Variants in RAB37 observed in about 807,000 individuals in gnomAD.
RAB37 encodes RAB37, member RAS oncogene family.
In RAB37, 29 loss-of-function variants were observed where a neutral mutation model predicts 33.1. The observed-to-expected ratio is 0.88, with a 90% CI of 0.65 to 1.20. The LOEUF (loss-of-function observed/expected upper bound fraction) is 1.20. Ranked by LOEUF, RAB37 falls within the 50% of genes most tolerant of loss-of-function variation. The probability of loss-of-function intolerance (pLI) is 0.00; values close to 1 mark genes in which losing one functional copy is unlikely to be tolerated. For missense variants in RAB37, 299 were observed against 301.1 expected (o/e 0.99, Z 0.05); for synonymous variants, 128 against 119.5 (o/e 1.07, Z -0.47).
At chr17:74,697,824 A>G (rs1644328586) in intron 1 of RAB37, among the ~76,000 whole-genome samples, 1 of 152,108 alleles carries the variant, frequency 6.6e-6, no homozygotes, top group Non-Finnish European at 1.5e-5. Flanking sequence ...GGCCATTCCA[A>G]TTTCCTGATC....
intron 1 of RAB37, chr17:74,704,643 G>A: frequency 1.2e-6 from 2 of 1,614,152 alleles, no homozygotes; most frequent in Non-Finnish European, 1.7e-6. Flanking sequence ...TTCACCTCCT[G>A]CTCTGACCCA....
chr17:74,734,517 A>T (rs1272626038), upstream of RAB37, among the ~76,000 whole-genome samples: 1 of 151,986 alleles, frequency 6.6e-6, no homozygotes, highest in African/African-American at 2.4e-5. Context: ...CCCCTCTCTC[A>T]TTCTTCCTCC....
chr17:74,714,500 G>A (rs1422484143), intron 1 of RAB37, among the ~76,000 whole-genome samples: 1 of 151,906 alleles, frequency 6.6e-6, no homozygotes, highest in Admixed American at 6.6e-5. Flanking sequence ...ACTGACAAGA[G>A]GCGCTTTGTC....
At chr17:74,704,813 T>C (rs371319621) in intron 1 of RAB37, 14 of 1,608,972 alleles carry the variant, frequency 8.7e-6, no homozygotes, top group Non-Finnish European at 1.0e-5. Context: ...GACAATGGAG[T>C]AGCCTGGAAA....
At chr17:74,735,714 G>A (rs557387469), upstream of RAB37, among the ~76,000 whole-genome samples, 8 of 152,326 alleles carry the variant, frequency 5.3e-5, no homozygotes, top group South Asian at 1.7e-3. Flanking sequence ...CTCACCTCCA[G>A]AAGAGGTAAC....
chr17:74,688,792 A>T (rs2032103669), intron 1 of RAB37, among the ~76,000 whole-genome samples: 1 of 152,192 alleles, frequency 6.6e-6, no homozygotes, highest in African/African-American at 2.4e-5. Context: ...AAGATTTTGC[A>T]ATCAGGTGGC....
intron 1 of RAB37, chr17:74,698,314 C>G: frequency 7.9e-7 from 1 of 1,260,480 alleles, no homozygotes. Flanking sequence ...TCCCAGATGC[C>G]ACATCCCCAG....
intron 2 of RAB37, among the ~76,000 whole-genome samples, chr17:74,731,288 C>A (rs918433119): frequency 4.3e-4 from 66 of 152,190 alleles, no homozygotes; most frequent in Admixed American, 3.9e-3. Context: ...GCAACTCCTG[C>A]ATGATGGGAA....
intron 1 of RAB37, among the ~76,000 whole-genome samples, chr17:74,725,542 G>A (rs2034295375): frequency 1.3e-5 from 2 of 152,112 alleles, no homozygotes; most frequent in South Asian, 4.1e-4. Flanking sequence ...TTTAGGAAGA[G>A]ATCATTCAAC....
chr17:74,710,131 A>C (rs1442551074), intron 1 of RAB37, among the ~76,000 whole-genome samples: 1 of 151,838 alleles, frequency 6.6e-6, no homozygotes, highest in Non-Finnish European at 1.5e-5. Flanking sequence ...GGCGCCCACC[A>C]CCACGCCCAG....
At chr17:74,735,682 G>A, upstream of RAB37, among the ~76,000 whole-genome samples, 1 of 152,204 alleles carries the variant, frequency 6.6e-6, no homozygotes, top group East Asian at 1.9e-4. Context: ...CCCGCCCTAT[G>A]CCCAGCTGAG....
rs2034705509 is a variant in RAB37 at position 74,744,595 on chromosome 17, AG to A, written c.432+223del. The A allele has an allele frequency of 1.6e-6, 1 of 627,524 alleles. No individual in the cohort carries two copies. The highest frequency in any genetic ancestry group is 2.8e-5 in the Admixed American group (1 of 35,560). The allele number at this position is 627,524 out of a possible 1,614,324, so 38.9% of individuals were successfully genotyped here. On this transcript the variant is annotated intron_variant, in intron 6 of 8. Coordinates refer to ENST00000392613, the MANE Select transcript of RAB37 (RefSeq NM_001006638.3). This position sits in a 1 kb window ranked among gnomAD's most constrained non-coding sequence, Gnocchi z 4.2. ...AGAAATCAAGGGGTGCCCAGTTCTC[AG>A]CCCCCATTAGAGCAGAGTGAACAGG...
In RAB37 at chr17:74,671,506, C is replaced by T; in HGVS notation, c.-81C>T. On this transcript the variant is annotated 5_prime_UTR_variant, in exon 1 of 8. Coordinates refer to the RAB37 transcript ENST00000340415. The surrounding 1 kb of genome is among the most constrained non-coding windows in gnomAD (Gnocchi z 5.0). ...AGAGCTCAGACCCAAGCCTGCCGCACCCAGCGGAGCTCGAACCGAGCTCCT... is the reference window on the plus strand; with the variant it reads ...AGAGCTCAGACCCAAGCCTGCCGCATCCAGCGGAGCTCGAACCGAGCTCCT... 1.5e-6 allele frequency: 2 copies of T among 1,368,052 alleles called. No individual in the cohort carries two copies. Among genetic ancestry groups the T allele is most frequent in the South Asian group, 2.3e-5 (2 of 85,378 alleles). The allele number at this position is 1,368,052 out of a possible 1,614,324, so 84.7% of individuals were successfully genotyped here.
At position 74,729,194 on chromosome 17, in the gene RAB37, G is replaced by A. The variant is rs890244948; in HGVS notation, c.73-62G>A. On this transcript the variant is annotated intron_variant, in intron 1 of 7. Transcript: ENST00000340415. The surrounding 1 kb of genome is among the most constrained non-coding windows in gnomAD (Gnocchi z 4.2). The stretch of plus-strand genomic sequence containing the variant: ...AAGAATCCACTCCCACAGCCACAAG[G>A]ACACCTCTGAGGCCAACTCACATCA... 47 of 1,171,554 alleles carry A rather than the reference G, an allele frequency of 4.0e-5. No homozygotes were observed. Among genetic ancestry groups the A allele is most frequent in the Non-Finnish European group, 5.5e-5 (43 of 776,742 alleles). The allele number at this position is 1,171,554 out of a possible 1,614,324, so 72.6% of individuals were successfully genotyped here. A position where few individuals can be genotyped will look rare whatever the true frequency, so the allele number is the denominator to read the frequency against.
At chr17:74,718,350 A>G (rs2034195219) in intron 1 of RAB37, among the ~76,000 whole-genome samples, 1 of 151,792 alleles carries the variant, frequency 6.6e-6, no homozygotes, top group Non-Finnish European at 1.5e-5. Context: ...ATATCATATC[A>G]TATCATATCA....
Position 74,747,140 on chromosome 17 carries a change from T to TG in RAB37, c.*1730dup, listed in dbSNP as rs2034778869. Reference sequence around the variant, plus strand: ...TGCTTTCAAGGCAGAAATCTTGCTCTGAGCAGTCAGCGGCTCCAGTTTGGG... The same window carrying TG: ...TGCTTTCAAGGCAGAAATCTTGCTCTGGAGCAGTCAGCGGCTCCAGTTTGGG... On this transcript the variant is annotated 3_prime_UTR_variant, in exon 9 of 9. Coordinates refer to ENST00000392613, the MANE Select transcript of RAB37 (RefSeq NM_001006638.3). 1 of 152,176 alleles carries TG rather than the reference T, an allele frequency of 6.6e-6. No individual in the cohort carries two copies. Among genetic ancestry groups the TG allele is most frequent in the African/African-American group, 2.4e-5 (1 of 41,416 alleles). 9.4% of individuals were successfully genotyped at this position (152,176 alleles called of 1,614,324 possible).
intron 1 of RAB37, among the ~76,000 whole-genome samples, chr17:74,678,046 CAG>C (rs1172753947): frequency 2.0e-5 from 3 of 152,172 alleles, no homozygotes; most frequent in African/African-American, 7.2e-5. Context: ...AGGTGAGCAC[CAG>C]GCTGGAGAAT....
At chr17:74,740,727 C>A in intron 1 of RAB37, 41 bp from the exon 2 acceptor site, 1 of 1,350,728 alleles carries the variant, frequency 7.4e-7, no homozygotes, top group Non-Finnish European at 1.1e-6. Flanking sequence ...CCAGAAGCTG[C>A]CCCTGACTCC....
At chr17:74,723,893 G>A (rs536773030) in intron 1 of RAB37, among the ~76,000 whole-genome samples, 7 of 152,100 alleles carry the variant, frequency 4.6e-5, no homozygotes, top group Admixed American at 2.6e-4. Flanking sequence ...TCATAAATGC[G>A]AAGAGAAACA....
Sources: gnomAD v4.1 joint callset for allele counts (sites outside exome capture counted in the v4.1 genomes callset) on GRCh38, gnomAD v4.1.1 for gene constraint, Gnocchi (gnomAD v3.1) non-coding constraint, MANE v1.5 for transcripts, NCBI Gene and HGNC (gene_info 2026-07-23, HGNC 2026-07-21) for gene names.